PARD3B: variants seen among roughly 807,000 people sequenced by gnomAD.
PARD3B encodes par-3 family cell polarity regulator beta.
In PARD3B, 103 loss-of-function variants were observed where a neutral mutation model predicts 130.2. That is an observed-to-expected ratio of 0.79 (90% CI 0.67 to 0.93). PARD3B has a LOEUF of 0.93. Ranked by LOEUF, PARD3B falls within the 40% of genes least tolerant of loss-of-function variation. The probability of loss-of-function intolerance (pLI) is 0.00; values close to 1 mark genes in which losing one functional copy is unlikely to be tolerated. For missense variants in PARD3B, 1,609 were observed against 1,499.2 expected, an observed-to-expected ratio of 1.07 and a Z score of -1.21; for synonymous variants, 583 against 553.2, an observed-to-expected ratio of 1.05 and a Z score of -0.76.
chr2:204,845,258 A>G (rs1294963181), intron 2 of PARD3B, among the ~76,000 whole-genome samples: 1 of 152,154 alleles, frequency 6.6e-6, no homozygotes, highest in Admixed American at 6.5e-5. Flanking sequence ...TGAAGTAGGA[A>G]GATGAAAATA....
At chr2:205,560,372 T>G (rs1263624398) in intron 22 of PARD3B, among the ~76,000 whole-genome samples, 1 of 152,226 alleles carries the variant, frequency 6.6e-6, no homozygotes, top group African/African-American at 2.4e-5. Context: ...AAAAATCAAT[T>G]CTTTTTTCCG....
intron 15 of PARD3B, among the ~76,000 whole-genome samples, chr2:205,222,095 G>A (rs1236066543): frequency 6.7e-6 from 1 of 148,828 alleles, no homozygotes; most frequent in Non-Finnish European, 1.5e-5. Context: ...ATGCGCCTCT[G>A]AACTTAAAAG....
chr2:205,012,542 G>A (rs1372185052), intron 3 of PARD3B, among the ~76,000 whole-genome samples: 2 of 152,192 alleles, frequency 1.3e-5, no homozygotes, highest in East Asian at 3.9e-4. Flanking sequence ...AAGAAAAGAA[G>A]AGTAGGTGAA....
At chr2:204,712,843 T>A (rs2038521953) in intron 2 of PARD3B, among the ~76,000 whole-genome samples, 1 of 152,126 alleles carries the variant, frequency 6.6e-6, no homozygotes. Flanking sequence ...AATAAGTTTA[T>A]CATTACACCA....
chr2:205,176,643 A>T lies in PARD3B; in HGVS notation c.1924+66A>T, dbSNP rs1576077846. 3.0e-4 allele frequency: 8 copies of T among 26,394 alleles called. No individual in the cohort carries two copies. The highest frequency in any genetic ancestry group is 2.5e-3 in the South Asian group (1 of 394). 1.6% of individuals were successfully genotyped at this position (26,394 alleles called of 1,614,324 possible). On this transcript the variant is annotated intron_variant, in intron 13 of 22. Coordinates refer to ENST00000406610, the MANE Select transcript of PARD3B (RefSeq NM_001302769.2). The surrounding 1 kb of genome is among the most constrained non-coding windows in gnomAD (Gnocchi z 5.3). ...AAAACACAAAAGTGTCTTTTTATCT[A>T]AAAAAAAAAAAAAAGAGTAAAGGGG...
At chr2:205,521,827 C>G (rs1261112173) in intron 21 of PARD3B, among the ~76,000 whole-genome samples, 1 of 152,004 alleles carries the variant, frequency 6.6e-6, no homozygotes, top group Non-Finnish European at 1.5e-5. Flanking sequence ...ATCTGGCTAG[C>G]TTTTCATCTG....
At position 205,158,881 on chromosome 2, in the gene PARD3B, A is replaced by G. The variant is rs202115442; in HGVS notation, c.1594A>G (p.Ile532Val). 269 of 1,614,022 alleles carry G rather than the reference A, an allele frequency of 1.7e-4. No individual in the cohort carries two copies. Among genetic ancestry groups the G allele is most frequent in the Admixed American group, 5.3e-4 (32 of 60,014 alleles). ...GTDLGIFIKS[I>V]IHGGAAFKDG... ...AGACTTGGGGATTTTTATCAAATCC[A>G]TCATTCATGGAGGCGCTGCTTTTAA... The change falls in exon 11 of 23, where the codon ATC becomes GTC. Residue 532 changes from isoleucine (I) to valine (V), a missense_variant. Physicochemically the swap from Ile to Val is conservative, Grantham distance 29. Coordinates refer to ENST00000406610, the MANE Select transcript of PARD3B (RefSeq NM_001302769.2). This position sits in a 1 kb window ranked among gnomAD's most constrained non-coding sequence, Gnocchi z 5.4.
intron 10 of PARD3B, among the ~76,000 whole-genome samples, chr2:205,156,622 GC>G (rs1363614131): frequency 1.3e-5 from 2 of 151,924 alleles, no homozygotes; most frequent in Non-Finnish European, 2.9e-5. Context: ...AGTCTTCTGG[GC>G]TGTAAACATG....
At position 204,860,841 on chromosome 2, in the gene PARD3B, C is replaced by G. The variant is rs190709656; in HGVS notation, c.223-104311C>G. Among the ~76,000 whole-genome samples, 582 of 152,132 alleles carry G rather than the reference C, an allele frequency of 3.8e-3. 5 individuals carry two copies. The highest frequency in any genetic ancestry group is 0.013 in the African/African-American group (545 of 41,522). On this transcript the variant is annotated intron_variant, in intron 2 of 22. Coordinates refer to ENST00000406610, the MANE Select transcript of PARD3B (RefSeq NM_001302769.2). The stretch of plus-strand genomic sequence containing the variant: ...TGTTTTTGATAAGTTAAAAAAAAAT[C>G]TTTATTGAAGACCTTATTTCCCAGG...
intron 18 of PARD3B, among the ~76,000 whole-genome samples, chr2:205,318,372 A>G (rs2042632244): frequency 6.6e-6 from 1 of 152,186 alleles, no homozygotes; most frequent in South Asian, 2.1e-4. Flanking sequence ...ATACCAGACC[A>G]GGATGTCATT....
intron 2 of PARD3B, among the ~76,000 whole-genome samples, chr2:204,912,212 C>T (rs960913679): frequency 2.6e-5 from 4 of 152,240 alleles, no homozygotes; most frequent in African/African-American, 9.6e-5. Flanking sequence ...ATAATTAAAG[C>T]AAATTTCATA....
intron 15 of PARD3B, among the ~76,000 whole-genome samples, chr2:205,239,903 C>T (rs1303672640): frequency 6.6e-6 from 1 of 152,066 alleles, no homozygotes; most frequent in Non-Finnish European, 1.5e-5. Flanking sequence ...TATACTAATT[C>T]CCTAGCCCCC....
At chr2:205,119,402 G>A (rs1421308161) in intron 7 of PARD3B, among the ~76,000 whole-genome samples, 2 of 151,960 alleles carry the variant, frequency 1.3e-5, no homozygotes, top group Non-Finnish European at 2.9e-5. Flanking sequence ...TAACTTTCTT[G>A]GTGTCAGCAG....
chr2:204,922,074 T>A (rs1408187837), intron 2 of PARD3B, among the ~76,000 whole-genome samples: 2 of 151,916 alleles, frequency 1.3e-5, no homozygotes, highest in East Asian at 1.9e-4. Context: ...ATGAGTGGGG[T>A]GAGATCATGA....
At chr2:205,551,123 A>AACTT (rs2052626933) in intron 21 of PARD3B, among the ~76,000 whole-genome samples, 1 of 151,404 alleles carries the variant, frequency 6.6e-6, no homozygotes, top group South Asian at 2.1e-4. Flanking sequence ...TGAAACTATT[A>AACTT]ACTTGGAATT....
At chr2:204,720,154 A>G (rs1198068313) in intron 2 of PARD3B, among the ~76,000 whole-genome samples, 1 of 152,224 alleles carries the variant, frequency 6.6e-6, no homozygotes. Context: ...TAAAATAATA[A>G]TAGACATTTT....
intron 5 of PARD3B, among the ~76,000 whole-genome samples, chr2:205,108,871 A>C (rs1414711186): frequency 6.6e-6 from 1 of 152,206 alleles, no homozygotes; most frequent in Non-Finnish European, 1.5e-5. Context: ...GTTTACTTCT[A>C]AAATGGATGT....
intron 1 of PARD3B, among the ~76,000 whole-genome samples, chr2:204,588,740 C>T (rs1031551138): frequency 3.3e-5 from 5 of 152,158 alleles, no homozygotes; most frequent in Middle Eastern, 3.4e-3. Flanking sequence ...CCACTTTATC[C>T]AAATGAAGAG....
At chr2:205,032,898 A>T (rs1697527010) in intron 3 of PARD3B, among the ~76,000 whole-genome samples, 1 of 152,204 alleles carries the variant, frequency 6.6e-6, no homozygotes, top group African/African-American at 2.4e-5. Context: ...GATGCCTGAA[A>T]TTGACTTGTG....
Sources: allele counts gnomAD v4.1 joint callset (sites outside exome capture counted in the v4.1 genomes callset), GRCh38; gene constraint gnomAD v4.1.1; non-coding constraint Gnocchi (gnomAD v3.1); transcripts MANE v1.5; gene names NCBI Gene and HGNC (gene_info 2026-07-23, HGNC 2026-07-21).